Variants in GNPTAB observed in about 807,000 individuals in gnomAD.
GNPTAB encodes the protein N-acetylglucosamine-1-phosphotransferase subunits alpha/beta.
GNPTAB carries 92 observed loss-of-function variants against 136.6 expected under a neutral mutation model. The observed-to-expected ratio is 0.67, with a 90% CI of 0.57 to 0.80. The LOEUF is 0.80. Ranked by LOEUF, GNPTAB falls within the 30% of genes least tolerant of loss-of-function variation. The probability of loss-of-function intolerance (pLI) is 0.00; values close to 1 mark genes in which losing one functional copy is unlikely to be tolerated. For missense variants in GNPTAB, 1,343 were observed against 1,501.8 expected (o/e 0.89, Z 1.75); for synonymous variants, 512 against 535.1 (o/e 0.96, Z 0.60).
intron 10 of GNPTAB, among the ~76,000 whole-genome samples, chr12:101,769,816 C>G (rs1431758769): frequency 6.6e-6 from 1 of 151,968 alleles, no homozygotes; most frequent in Non-Finnish European, 1.5e-5. Context: ...TTTGTAAAGA[C>G]AGGGGTCTCA....
chr12:101,780,201 T>G lies in GNPTAB; in HGVS notation c.722A>C (p.Asn241Thr). The G allele has an allele frequency of 6.2e-7, 1 of 1,613,830 alleles. No homozygotes were observed. The highest frequency in any genetic ancestry group is 8.5e-7 in the Non-Finnish European group (1 of 1,179,688). Residue 241 changes from asparagine (N) to threonine (T), a missense_variant, in exon 7 of 21, where the codon AAT (asparagine) becomes ACT (threonine). Asn to Thr is a moderately conservative substitution (Grantham distance 65). Transcript: ENST00000299314. ...SGFPPTFKETNQLKTKLPENL... is the reference protein window; with the variant it reads ...SGFPPTFKETTQLKTKLPENL... The stretch of plus-strand genomic sequence containing the variant: ...TTCTGGCAATTTTGTTTTTAGTTGA[T>G]TTGTTTCCTTGAATGTTGGTGGAAA...
At chr12:101,821,844 C>T (rs563446258) in intron 1 of GNPTAB, among the ~76,000 whole-genome samples, 1 of 152,230 alleles carries the variant, frequency 6.6e-6, no homozygotes, top group East Asian at 1.9e-4. Context: ...GTTGTCACTC[C>T]GCTGGAATCA....
At chr12:101,747,923 T>C (rs1042581240) in intron 20 of GNPTAB, among the ~76,000 whole-genome samples, 2 of 152,186 alleles carry the variant, frequency 1.3e-5, no homozygotes, top group African/African-American at 4.8e-5. Flanking sequence ...ACTGCCTCTC[T>C]AGTTCCCTAT....
intron 1 of GNPTAB, among the ~76,000 whole-genome samples, chr12:101,804,068 T>C (rs61938181): frequency 6.6e-6 from 1 of 151,728 alleles, no homozygotes; most frequent in Non-Finnish European, 1.5e-5. Context: ...CTTGTCTCTA[T>C]TTAAAAAAAA....
At chr12:101,768,259 G>A (rs1438143000) in intron 10 of GNPTAB, 99 bp from the exon 11 acceptor site, 4 of 1,383,014 alleles carry the variant, frequency 2.9e-6, no homozygotes, top group Non-Finnish European at 4.0e-6. Context: ...TAAGTCTCTA[G>A]AAAGATTAAA....
intron 15 of GNPTAB, 28 bp downstream of exon 15, chr12:101,761,099 A>G (rs1594210653): frequency 6.6e-7 from 1 of 1,526,190 alleles, no homozygotes; most frequent in Middle Eastern, 1.7e-4. Context: ...TAAAACATCA[A>G]AAAGTTTAGA....
At chr12:101,806,161 T>C (rs1446631162) in intron 1 of GNPTAB, among the ~76,000 whole-genome samples, 1 of 152,192 alleles carries the variant, frequency 6.6e-6, no homozygotes, top group East Asian at 1.9e-4. Context: ...ATAAAGTGTT[T>C]GATAAAACAT....
At chr12:101,790,881 CTTTT>C (rs577915488) in intron 2 of GNPTAB, among the ~76,000 whole-genome samples, 1 of 148,460 alleles carries the variant, frequency 6.7e-6, no homozygotes, top group Non-Finnish European at 1.5e-5. Flanking sequence ...TCTGCTTTTC[CTTTT>C]TTTTTTCACA....
chr12:101,798,267 C>CA (rs1342439541), intron 1 of GNPTAB, among the ~76,000 whole-genome samples: 1 of 152,154 alleles, frequency 6.6e-6, no homozygotes, highest in Non-Finnish European at 1.5e-5. Flanking sequence ...TCTCCTTTGC[C>CA]AGCTCATTCC....
chr12:101,780,396 T>C, intron 6 of GNPTAB, 110 bp from the exon 7 acceptor site: 1 of 1,262,006 alleles, frequency 7.9e-7, no homozygotes, highest in Middle Eastern at 1.9e-4. Context: ...AGCTTCAAAA[T>C]ATGATTTTTA....
chr12:101,828,628 T>A (rs1401153777), intron 1 of GNPTAB, among the ~76,000 whole-genome samples: 2 of 151,998 alleles, frequency 1.3e-5, no homozygotes, highest in East Asian at 3.9e-4. Context: ...AGGCAGAGGT[T>A]GCAGTGAGCC....
Position 101,760,140 on chromosome 12 carries a change from A to T in GNPTAB, c.3139T>A (p.Leu1047Met), listed in dbSNP as rs760435223. 1 of 1,564,354 alleles carries T rather than the reference A, an allele frequency of 6.4e-7. No individual in the cohort carries two copies. The highest frequency in any genetic ancestry group is 1.1e-5 in the South Asian group (1 of 90,014). ...ATTAGCATGTGTTCCAGACCTGTCA[A>T]ATCCTAACAAAGAAAAAGATGATAA... ...IHELPLSLQD[L>M]TGLEHMLINC... Residue 1047 changes from leucine to methionine, a missense_variant, in exon 16 of 21, where the codon TTG becomes ATG. By Grantham distance (15) the Leu-to-Met change is conservative. Transcript: ENST00000299314.
intron 19 of GNPTAB, among the ~76,000 whole-genome samples, chr12:101,752,357 G>A (rs547117367): frequency 6.6e-6 from 1 of 152,302 alleles, no homozygotes; most frequent in East Asian, 1.9e-4. Context: ...CCCAGGAGGT[G>A]GAGGTTGCAG....
intron 1 of GNPTAB, among the ~76,000 whole-genome samples, chr12:101,798,026 C>T (rs78204468): frequency 1.3e-5 from 2 of 152,164 alleles, no homozygotes; most frequent in African/African-American, 2.4e-5. Flanking sequence ...CTCTACCCCA[C>T]ATTTTCTGTC....
In GNPTAB at chr12:101,765,314, A is replaced by C; in HGVS notation, c.1613-10T>G. 3 of 1,576,530 alleles carry C rather than the reference A, an allele frequency of 1.9e-6. No homozygotes were observed. The highest frequency in any genetic ancestry group is 2.2e-5 in the South Asian group (2 of 90,098). ...AATTCATGAAAATGATCTAGAGGAA[A>C]AAACAGAAACATGATTTTTTTTTTA... On this transcript the variant is annotated splice_polypyrimidine_tract_variant and intron_variant, in intron 12 of 20. Coordinates refer to ENST00000299314, the MANE Select transcript of GNPTAB (RefSeq NM_024312.5).
At chr12:101,826,001 G>C (rs1871069595) in intron 1 of GNPTAB, among the ~76,000 whole-genome samples, 1 of 152,040 alleles carries the variant, frequency 6.6e-6, no homozygotes, top group African/African-American at 2.4e-5. Context: ...TGTTGCCTTT[G>C]GCCAAGAACA....
intron 18 of GNPTAB, among the ~76,000 whole-genome samples, chr12:101,754,241 A>G (rs2137102884): frequency 6.6e-6 from 1 of 152,248 alleles, no homozygotes; most frequent in South Asian, 2.1e-4. Flanking sequence ...AGCCTAGCCA[A>G]CATGGTGAAA....
At chr12:101,753,637 T>C (rs1325190032) in intron 18 of GNPTAB, 98 bp from the exon 19 acceptor site, 8 of 983,968 alleles carry the variant, frequency 8.1e-6, no homozygotes, top group Non-Finnish European at 1.3e-5. Flanking sequence ...AATGGACTTA[T>C]GTCCCAAGTT....
At chr12:101,796,127 A>G (rs1331164968) in intron 2 of GNPTAB, 1 of 674,706 alleles carries the variant, frequency 1.5e-6, no homozygotes, top group Non-Finnish European at 2.7e-6. Context: ...GTTCAGCCCC[A>G]GTGGTTTACT....
Sources: allele counts gnomAD v4.1 joint callset (sites outside exome capture counted in the v4.1 genomes callset), GRCh38; gene constraint gnomAD v4.1.1; transcripts MANE v1.5; gene names NCBI Gene and HGNC (gene_info 2026-07-23, HGNC 2026-07-21).